The following PCLO variants were observed in gnomAD, a reference collection of about 807,000 sequenced individuals.
PCLO encodes piccolo presynaptic cytomatrix protein.
In PCLO, 82 loss-of-function variants were observed where a neutral mutation model predicts 427.5. That is an observed-to-expected ratio of 0.19 (90% confidence interval 0.16 to 0.23). The LOEUF (loss-of-function observed/expected upper bound fraction) is 0.23. Ranked by LOEUF, PCLO falls within the 10% of genes least tolerant of loss-of-function variation. PCLO has a pLI of 1.00. For synonymous variants in PCLO, 2,357 were observed against 2,155.4 expected (o/e 1.09, Z -2.59); for missense variants, 6,239 against 6,115.9 (o/e 1.02, Z -0.67).
At chr7:82,853,218 T>C (rs1792711321) in intron 10 of PCLO, among the ~76,000 whole-genome samples, 1 of 152,148 alleles carries the variant, frequency 6.6e-6, no homozygotes, top group Admixed American at 6.5e-5. Flanking sequence ...TTTGTACTCA[T>C]GGTTCAAACA....
intron 22 of PCLO, among the ~76,000 whole-genome samples, chr7:82,783,298 A>G (rs1384122670): frequency 6.6e-6 from 1 of 152,198 alleles, no homozygotes; most frequent in Non-Finnish European, 1.5e-5. Flanking sequence ...TCTTAGAGTT[A>G]AAGAAATATC....
chr7:82,840,014 G>A (rs1268902863), intron 14 of PCLO, among the ~76,000 whole-genome samples: 5 of 151,970 alleles, frequency 3.3e-5, no homozygotes, highest in Middle Eastern at 3.4e-3. Flanking sequence ...CTCCTTAAGG[G>A]AAAGCAAAAT....
intron 15 of PCLO, among the ~76,000 whole-genome samples, chr7:82,837,826 A>G (rs920805628): frequency 6.6e-6 from 1 of 152,040 alleles, no homozygotes; most frequent in African/African-American, 2.4e-5. Context: ...CTATAAAAAT[A>G]AACAGTAACT....
intron 8 of PCLO, among the ~76,000 whole-genome samples, chr7:82,905,774 C>T (rs992181639): frequency 5.9e-5 from 9 of 151,756 alleles, no homozygotes; most frequent in African/African-American, 2.2e-4. Context: ...GCTTAATGTA[C>T]CTCAATGCAG....
At chr7:82,780,510 CA>C (rs1790849588) in intron 22 of PCLO, among the ~76,000 whole-genome samples, 1 of 151,964 alleles carries the variant, frequency 6.6e-6, no homozygotes, top group Non-Finnish European at 1.5e-5. Context: ...GCTTGAACAG[CA>C]AAATAAGCCT....
chr7:82,955,674 T>G lies in PCLO; in HGVS notation c.5279A>C (p.His1760Pro). 6.2e-7 allele frequency: 1 copy of G among 1,614,010 alleles called. No homozygotes were observed. Among genetic ancestry groups the G allele is most frequent in the Non-Finnish European group, 8.5e-7 (1 of 1,179,878 alleles). ...AGGCAAAAGAGGGCCATGTGGTCTG[T>G]GCCGAGCTTTGCGTTGCTGTTTGCT... ...GESKQQRKAR[H>P]RPHGPLLPTI... The change falls in exon 5 of 25, where the codon CAC becomes CCC. Residue 1760 changes from histidine to proline, a missense_variant. Physicochemically the swap from His to Pro is moderately conservative, Grantham distance 77. This residue lies in a region of PCLO where 4,677 missense variants were observed against 4,468.4 expected (regional missense o/e 1.05). Coordinates refer to ENST00000333891, the MANE Select transcript of PCLO (RefSeq NM_033026.6).
intron 16 of PCLO, among the ~76,000 whole-genome samples, chr7:82,829,771 C>T (rs1027483892): frequency 1.3e-5 from 2 of 151,912 alleles, no homozygotes; most frequent in East Asian, 1.9e-4. Context: ...AATTCTCCTA[C>T]CTGTGAACAA....
intron 2 of PCLO, among the ~76,000 whole-genome samples, chr7:83,150,713 A>T (rs1178828897): frequency 6.6e-6 from 1 of 152,186 alleles, no homozygotes; most frequent in Admixed American, 6.5e-5. Flanking sequence ...GGTAACAAAA[A>T]ATATTAGAGA....
intron 16 of PCLO, among the ~76,000 whole-genome samples, chr7:82,831,743 A>G (rs965672228): frequency 6.6e-6 from 1 of 152,206 alleles, no homozygotes; most frequent in Non-Finnish European, 1.5e-5. Context: ...TAATGAAAGT[A>G]AAAACAGCTT....
intron 8 of PCLO, among the ~76,000 whole-genome samples, chr7:82,907,339 T>C (rs1356082269): frequency 6.6e-6 from 1 of 151,994 alleles, no homozygotes; most frequent in Non-Finnish European, 1.5e-5. Flanking sequence ...TGGGAAACAC[T>C]AAACTTCAGA....
intron 6 of PCLO, among the ~76,000 whole-genome samples, chr7:82,938,167 G>A (rs1375512172): frequency 2.0e-5 from 3 of 151,816 alleles, no homozygotes; most frequent in African/African-American, 7.2e-5. Context: ...CAAAACATCA[G>A]TAAGAAATAC....
chr7:82,848,419 T>G (rs184786209), intron 10 of PCLO, among the ~76,000 whole-genome samples: 88 of 146,248 alleles, frequency 6.0e-4, no homozygotes, highest in African/African-American at 1.9e-3. Flanking sequence ...CAAGCAATTC[T>G]CCTGCCTCAG....
In PCLO at chr7:82,881,805, T is replaced by TAATTTTTTTTTATTTTTAGTAGACAC. The variant is rs1482766492; in HGVS notation, c.13529-2369_13529-2344dup. On this transcript the variant is annotated intron_variant, in intron 9 of 24. Coordinates refer to ENST00000333891, the MANE Select transcript of PCLO (RefSeq NM_033026.6). ...ACTACTACATGCCACCATGCCCACC[T>TAATTTTTTTTTATTTTTAGTAGACAC]AATTTTTTTTTATTTTTAGTAGACA... Among the ~76,000 whole-genome samples, 16 of 152,158 alleles carry TAATTTTTTTTTATTTTTAGTAGACAC rather than the reference T, an allele frequency of 1.1e-4. No individual in the cohort carries two copies. In the South Asian group the frequency reaches 2.5e-3, roughly 24 times the overall value.
Position 82,859,417 on chromosome 7 carries a change from G to C in PCLO, c.13655-12170C>G, listed in dbSNP as rs564233717. 2.0e-5 allele frequency among the ~76,000 whole-genome samples: 3 copies of C among 152,292 alleles called. No individual in the cohort carries two copies. The East Asian group carries it at 5.8e-4, about 29-fold the overall frequency. ...TGGCTCAGAACAGAGAGAGACAGAC[G>C]TTATGTTTGGGAGAAAGTAAGAGAA... On this transcript the variant is annotated intron_variant, in intron 10 of 24. Coordinates refer to ENST00000333891, the MANE Select transcript of PCLO (RefSeq NM_033026.6).
In PCLO at chr7:82,956,343, C is replaced by T. The variant is rs1208209073; in HGVS notation, c.4610G>A (p.Ser1537Asn). 6.2e-7 allele frequency: 1 copy of T among 1,612,856 alleles called. No homozygotes were observed. The stretch of plus-strand genomic sequence containing the variant: ...GTCTTCCTGTTTATACTCATCACTG[C>T]TTGATGAGCCAACACTAGTTCTTCG... ...RKRRTSVGSS[S>N]SDEYKQEDSQ... Residue 1537 changes from serine (S) to asparagine (N), a missense_variant, in exon 5 of 25, where the codon AGC (serine) becomes AAC (asparagine). By Grantham distance (46) the Ser-to-Asn change is conservative. This residue lies in a region of PCLO where 4,677 missense variants were observed against 4,468.4 expected (regional missense o/e 1.05). Transcript: ENST00000333891.
rs149117166 is a variant in PCLO, at chr7:83,050,943, A to G, written c.3300+83307T>C. Among the ~76,000 whole-genome samples the G allele has an allele frequency of 3.0e-3, 454 of 152,150 alleles. 2 individuals are homozygous for G. Among genetic ancestry groups the G allele is most frequent in the African/African-American group, 0.011 (436 of 41,516 alleles). ...CAAAAAAAAATTAATGTAATTCTTC[A>G]CATCAACAGGATAAATTAGAAAAAT... is the stretch of plus-strand genomic sequence containing the variant. On this transcript the variant is annotated intron_variant, in intron 3 of 24. Transcript: ENST00000333891.
At chr7:83,048,375 G>A (rs1404168595) in intron 3 of PCLO, among the ~76,000 whole-genome samples, 1 of 151,896 alleles carries the variant, frequency 6.6e-6, no homozygotes, top group Non-Finnish European at 1.5e-5. Flanking sequence ...ATCAGTTCAG[G>A]TGCCCTAGAC....
chr7:83,040,262 A>G (rs937700446), intron 3 of PCLO, among the ~76,000 whole-genome samples: 4 of 152,076 alleles, frequency 2.6e-5, no homozygotes, highest in Non-Finnish European at 5.9e-5. Context: ...TTTTAGTGAA[A>G]TCTATTCTCC....
chr7:82,981,192 T>A, intron 3 of PCLO, among the ~76,000 whole-genome samples: 1 of 150,946 alleles, frequency 6.6e-6, no homozygotes, highest in Non-Finnish European at 1.5e-5. Context: ...AACTATAGGG[T>A]ACTATTCTGG....
Sources: allele counts gnomAD v4.1 joint callset (sites outside exome capture counted in the v4.1 genomes callset), GRCh38; gene constraint gnomAD v4.1.1; regional missense constraint gnomAD v4.1.1; transcripts MANE v1.5; gene names NCBI Gene and HGNC (gene_info 2026-07-23, HGNC 2026-07-21).